NWD2: variants seen among roughly 807,000 people sequenced by gnomAD.
The protein encoded by NWD2 is NACHT and WD repeat domain containing 2.
A neutral mutation model predicts 132.7 loss-of-function variants in NWD2; 37 were observed. That is an observed-to-expected ratio of 0.28 (90% CI 0.21 to 0.37). The LOEUF (loss-of-function observed/expected upper bound fraction) is 0.37, where lower values mean the gene tolerates loss of function less well. Ranked by LOEUF, NWD2 falls within the 10% of genes least tolerant of loss-of-function variation. NWD2 has a pLI of 1.00. For missense variants in NWD2, 1,592 were observed against 2,122.4 expected (o/e 0.75, Z 4.91); for synonymous variants, 705 against 803.0 (o/e 0.88, Z 2.06).
chr4:37,261,097 A>G (rs1184023633), intron 1 of NWD2, among the ~76,000 whole-genome samples: 2 of 152,216 alleles, frequency 1.3e-5, no homozygotes, highest in Non-Finnish European at 2.9e-5. Context: ...TGTTTAACAC[A>G]TGCTTGGCAC....
chr4:37,356,174 G>T (rs1183801187), intron 2 of NWD2, among the ~76,000 whole-genome samples, 192 bp from the exon 3 acceptor site: 1 of 152,018 alleles, frequency 6.6e-6, no homozygotes, highest in African/African-American at 2.4e-5. Flanking sequence ...AGAAACAAAA[G>T]AAGAAATTAT....
intron 3 of NWD2, among the ~76,000 whole-genome samples, chr4:37,396,472 T>C (rs1480857300): frequency 6.6e-6 from 1 of 152,150 alleles, no homozygotes; most frequent in Admixed American, 6.5e-5. Context: ...CAGCTCTCCA[T>C]AGTTGGTTGC....
At chr4:37,430,024 C>T (rs73809820) in intron 3 of NWD2, among the ~76,000 whole-genome samples, 24,832 of 152,106 alleles carry the variant, frequency 0.16, 2,693 homozygotes, top group Non-Finnish European at 0.23. Flanking sequence ...TTTCTTTTGC[C>T]AATTTAATAG....
chr4:37,378,494 GT>G (rs1720392060), intron 3 of NWD2, among the ~76,000 whole-genome samples: 1 of 152,226 alleles, frequency 6.6e-6, no homozygotes, highest in Admixed American at 6.5e-5. Flanking sequence ...ATTTTCCCAT[GT>G]AACAATGGCA....
chr4:37,376,673 T>C (rs73242345), intron 3 of NWD2, among the ~76,000 whole-genome samples: 45,923 of 152,066 alleles, frequency 0.3, 7,466 homozygotes, highest in Non-Finnish European at 0.37. Context: ...ATAATACTAC[T>C]TGATATTAAT....
intron 1 of NWD2, among the ~76,000 whole-genome samples, chr4:37,255,846 C>T (rs1717507968): frequency 1.3e-5 from 2 of 152,124 alleles, no homozygotes; most frequent in Admixed American, 6.5e-5. Context: ...GTTAAGGTTA[C>T]TATTGAGCCC....
At chr4:37,367,079 G>A (rs1044151485) in intron 3 of NWD2, among the ~76,000 whole-genome samples, 1 of 152,112 alleles carries the variant, frequency 6.6e-6, no homozygotes, top group African/African-American at 2.4e-5. Flanking sequence ...CCATCCATAT[G>A]ATGGGTAACA....
At chr4:37,351,315 T>A (rs1295006058) in intron 2 of NWD2, among the ~76,000 whole-genome samples, 1 of 152,152 alleles carries the variant, frequency 6.6e-6, no homozygotes, top group African/African-American at 2.4e-5. Flanking sequence ...GTCCTGGACT[T>A]TTTTTGGCTC....
At chr4:37,345,573 T>C (rs1719617468) in intron 2 of NWD2, among the ~76,000 whole-genome samples, 1 of 152,174 alleles carries the variant, frequency 6.6e-6, no homozygotes, top group Admixed American at 6.5e-5. Flanking sequence ...TACTGAGTTG[T>C]AGGAGTTCTT....
chr4:37,251,725 C>T (rs761995261), intron 1 of NWD2, among the ~76,000 whole-genome samples: 1 of 152,328 alleles, frequency 6.6e-6, no homozygotes, highest in South Asian at 2.1e-4. Context: ...ACAAGCAAGT[C>T]TAGGAACTTC....
chr4:37,323,277 A>T (rs2109286639), intron 1 of NWD2, among the ~76,000 whole-genome samples: 1 of 152,298 alleles, frequency 6.6e-6, no homozygotes, highest in Admixed American at 6.5e-5. Context: ...TACCGAATGG[A>T]AGAAAATATT....
At chr4:37,326,530 C>A (rs1330870331) in intron 2 of NWD2, among the ~76,000 whole-genome samples, 2 of 152,194 alleles carry the variant, frequency 1.3e-5, no homozygotes, top group Admixed American at 1.3e-4. Context: ...TTATATCAGC[C>A]TTTCAAGAGA....
chr4:37,309,425 A>G (rs953323466), intron 1 of NWD2, among the ~76,000 whole-genome samples: 3 of 152,008 alleles, frequency 2.0e-5, no homozygotes, highest in East Asian at 3.9e-4. Context: ...CAGCTACACC[A>G]CGGGGTCCAA....
chr4:37,275,409 G>T (rs1337066693), intron 1 of NWD2, among the ~76,000 whole-genome samples: 1 of 152,048 alleles, frequency 6.6e-6, no homozygotes, highest in Non-Finnish European at 1.5e-5. Flanking sequence ...ACAAACCACT[G>T]CTCAATGAAA....
chr4:37,398,158 G>A (rs932724520), intron 3 of NWD2, among the ~76,000 whole-genome samples: 1 of 152,142 alleles, frequency 6.6e-6, no homozygotes, highest in Non-Finnish European at 1.5e-5. Context: ...TTGGAGGCTG[G>A]TACTTCAGTT....
At chr4:37,374,210 A>G (rs1238678973) in intron 3 of NWD2, among the ~76,000 whole-genome samples, 1 of 151,880 alleles carries the variant, frequency 6.6e-6, no homozygotes, top group Non-Finnish European at 1.5e-5. Flanking sequence ...AGAGCCTGGC[A>G]CCTCCTCCTC....
At chr4:37,323,311 A>T (rs1440313269) in intron 1 of NWD2, among the ~76,000 whole-genome samples, 1 of 152,194 alleles carries the variant, frequency 6.6e-6, no homozygotes, top group African/African-American at 2.4e-5. Flanking sequence ...TCCTACAAGG[A>T]TTTAATATCC....
At position 37,445,248 on chromosome 4, in the gene NWD2, T is replaced by A; in HGVS notation, c.3260T>A (p.Leu1087Gln). 1 of 1,551,944 alleles carries A rather than the reference T, an allele frequency of 6.4e-7. No individual in the cohort carries two copies. Among genetic ancestry groups the A allele is most frequent in the Non-Finnish European group, 8.7e-7 (1 of 1,147,042 alleles). Residue 1087 changes from leucine (L) to glutamine (Q), a missense_variant, in exon 7 of 7, where the codon CTG (leucine) becomes CAG (glutamine). By Grantham distance (113) the Leu-to-Gln change is moderately radical (BLOSUM62 -2). Coordinates refer to ENST00000309447, the MANE Select transcript of NWD2 (RefSeq NM_001144990.2). The surrounding 1 kb of genome is among the most constrained non-coding windows in gnomAD (Gnocchi z 4.7). ...ASKDVTVIDLLYGWPLYQFHC... is the reference protein window; with the variant it reads ...ASKDVTVIDLQYGWPLYQFHC... ...AAAGATGTCACTGTCATCGATCTGCTGTACGGATGGCCGCTTTACCAGTTC... is the reference window on the plus strand; with the variant it reads ...AAAGATGTCACTGTCATCGATCTGCAGTACGGATGGCCGCTTTACCAGTTC...
chr4:37,436,879 G>A (rs1712337582), intron 5 of NWD2, among the ~76,000 whole-genome samples: 1 of 152,024 alleles, frequency 6.6e-6, no homozygotes, highest in Non-Finnish European at 1.5e-5. Context: ...ATGTTTATAA[G>A]CTCCTTTAAC....
Sources: gnomAD v4.1 joint callset for allele counts (sites outside exome capture counted in the v4.1 genomes callset) on GRCh38, gnomAD v4.1.1 for gene constraint, Gnocchi (gnomAD v3.1) non-coding constraint, MANE v1.5 for transcripts, NCBI Gene and HGNC (gene_info 2026-07-23, HGNC 2026-07-21) for gene names.